The following CORIN variants were observed in gnomAD, a reference collection of about 807,000 sequenced individuals.
CORIN encodes corin, serine peptidase.
CORIN carries 117 observed loss-of-function variants against 125.3 expected under a neutral mutation model. The observed-to-expected ratio is 0.93, with a 90% CI of 0.80 to 1.09. The LOEUF is 1.09. Among genes scored for constraint, CORIN ranks in the 50% least tolerant of loss-of-function variants. The pLI is 0.00. For missense variants in CORIN, 1,253 were observed against 1,306.7 expected (o/e 0.96, Z 0.63); for synonymous variants, 450 against 466.4 (o/e 0.96, Z 0.45).
intron 5 of CORIN, among the ~76,000 whole-genome samples, chr4:47,693,508 A>G (rs1725861022): frequency 6.6e-6 from 1 of 152,224 alleles, no homozygotes; most frequent in South Asian, 2.1e-4. Flanking sequence ...TACTCTATGT[A>G]CCACAGAGAA....
chr4:47,680,640 T>C (rs1725235983), intron 7 of CORIN: 1 of 193,458 alleles, frequency 5.2e-6, no homozygotes, highest in African/African-American at 2.4e-5. Context: ...GCGGATTTGA[T>C]GTATCTGTAA....
At chr4:47,680,881 G>C (rs1725246863) in intron 7 of CORIN, 1 of 152,220 alleles carries the variant, frequency 6.6e-6, no homozygotes, top group Non-Finnish European at 1.5e-5. Flanking sequence ...CCTCCAAGTA[G>C]TTGGGACTAC....
At chr4:47,753,154 C>G (rs1241092212) in intron 4 of CORIN, among the ~76,000 whole-genome samples, 1 of 152,052 alleles carries the variant, frequency 6.6e-6, no homozygotes, top group Non-Finnish European at 1.5e-5. Context: ...TCCGTGATGT[C>G]CCCTTGAGCC....
intron 19 of CORIN, among the ~76,000 whole-genome samples, chr4:47,613,447 C>T (rs79211634): frequency 0.1 from 15,286 of 151,708 alleles, 1,272 homozygotes; most frequent in East Asian, 0.47. Flanking sequence ...AGCGAGACTC[C>T]GTCTCAAAAA....
chr4:47,717,864 GA>G (rs1462214769), intron 5 of CORIN, among the ~76,000 whole-genome samples: 1 of 152,184 alleles, frequency 6.6e-6, no homozygotes, highest in Non-Finnish European at 1.5e-5. Context: ...GACCATGACA[GA>G]AGCAGAAGAT....
chr4:47,708,214 G>A (rs969884235), intron 5 of CORIN, among the ~76,000 whole-genome samples: 2 of 152,174 alleles, frequency 1.3e-5, no homozygotes, highest in South Asian at 2.1e-4. Flanking sequence ...CCACAATGCT[G>A]GAAGTCAAAA....
In CORIN at chr4:47,623,882, A is replaced by T; in HGVS notation, c.2365+17T>A. 6.2e-7 allele frequency: 1 copy of T among 1,612,398 alleles called. No individual in the cohort carries two copies. The highest frequency in any genetic ancestry group is 8.5e-7 in the Non-Finnish European group (1 of 1,178,462). On this transcript the variant is annotated intron_variant, in intron 18 of 21. Coordinates refer to ENST00000273857, the MANE Select transcript of CORIN (RefSeq NM_006587.4). ...AATTAAGTTCATATCCCATTGCCACACCTCTAATTCTCTCACCTTGTTTAG... is the reference window on the plus strand; with the variant it reads ...AATTAAGTTCATATCCCATTGCCACTCCTCTAATTCTCTCACCTTGTTTAG...
chr4:47,694,381 C>T (rs897904589), intron 5 of CORIN, among the ~76,000 whole-genome samples: 19 of 151,904 alleles, frequency 1.3e-4, no homozygotes, highest in African/African-American at 4.6e-4. Context: ...TTTTTATGAG[C>T]TCTAGTTTCA....
chr4:47,695,152 CATAGAAAACCAG>C lies in CORIN; in HGVS notation c.800-2081_800-2070del, dbSNP rs1162516424. On this transcript the variant is annotated intron_variant, in intron 5 of 21. Coordinates refer to ENST00000273857, the MANE Select transcript of CORIN (RefSeq NM_006587.4). ...TACAAATACAGACTCCTAAACGATTCATAGAAAACCAGATCTAAAAATGAAAAACCAAAATAC... is the reference window on the plus strand; with the variant it reads ...TACAAATACAGACTCCTAAACGATTCATCTAAAAATGAAAAACCAAAATAC... Among the ~76,000 whole-genome samples the C allele has an allele frequency of 3.5e-4, 53 of 152,286 alleles. No homozygotes were observed. In the South Asian group the frequency reaches 0.01, roughly 29 times the overall value.
At chr4:47,775,064 G>A (rs558425193) in intron 3 of CORIN, among the ~76,000 whole-genome samples, 14 of 152,284 alleles carry the variant, frequency 9.2e-5, no homozygotes, top group African/African-American at 3.1e-4. Context: ...TAAGAAGTTA[G>A]ATTTCATGTT....
In CORIN at chr4:47,597,718, G is replaced by T. The variant is rs557252239; in HGVS notation, c.2947-1815C>A. Among the ~76,000 whole-genome samples the T allele has an allele frequency of 5.9e-5, 9 of 152,298 alleles. No individual in the cohort carries two copies. In the South Asian group the frequency reaches 1.5e-3, roughly 25 times the overall value. On this transcript the variant is annotated intron_variant, in intron 21 of 21. Coordinates refer to ENST00000273857, the MANE Select transcript of CORIN (RefSeq NM_006587.4). ...TGAAGTGGAACTATTATGTCAGAGG[G>T]TGATTAAAATGGAATGTGTTTAGAA...
intron 12 of CORIN, among the ~76,000 whole-genome samples, chr4:47,657,508 C>A (rs1007294814): frequency 5.0e-5 from 7 of 141,348 alleles, no homozygotes; most frequent in African/African-American, 1.9e-4. Flanking sequence ...GCACTCCAGC[C>A]TGGGCGACAG....
chr4:47,669,214 G>T (rs1328319025), intron 10 of CORIN, among the ~76,000 whole-genome samples: 1 of 151,940 alleles, frequency 6.6e-6, no homozygotes, highest in Non-Finnish European at 1.5e-5. Flanking sequence ...AACAAGATTC[G>T]TTCAATTCAA....
intron 19 of CORIN, among the ~76,000 whole-genome samples, chr4:47,621,985 G>A (rs1722332599): frequency 8.3e-6 from 1 of 121,098 alleles, no homozygotes; most frequent in East Asian, 2.3e-4. Flanking sequence ...ATCTCCCAAT[G>A]CTATCCCTCC....
At chr4:47,757,976 C>A (rs188926702) in intron 4 of CORIN, among the ~76,000 whole-genome samples, 1 of 150,648 alleles carries the variant, frequency 6.6e-6, no homozygotes, top group Non-Finnish European at 1.5e-5. Flanking sequence ...TGCAGTGGCA[C>A]GATCTCAGCT....
chr4:47,772,428 C>A (rs1730090421), intron 3 of CORIN, among the ~76,000 whole-genome samples: 1 of 152,198 alleles, frequency 6.6e-6, no homozygotes, highest in African/African-American at 2.4e-5. Flanking sequence ...GCAGCTGTAG[C>A]AGCATCTGTC....
intron 12 of CORIN, among the ~76,000 whole-genome samples, chr4:47,658,393 C>T (rs1392237493): frequency 1.3e-5 from 2 of 152,252 alleles, no homozygotes; most frequent in Non-Finnish European, 2.9e-5. Context: ...TGAGTGCCAA[C>T]AGCTTTTCCA....
rs1725106314 is a variant in CORIN, at chr4:47,677,996, A to G, written c.1191T>C (p.Phe397=). The change falls in exon 9 of 22, where the codon TTT becomes TTC. Residue 397 remains phenylalanine, a synonymous_variant. Transcript: ENST00000273857. ...CRNGQCIPST[F]QCDGDEDCKD... Reference sequence around the variant, plus strand: ...TGCAGTCCTCGTCACCATCACATTGAAACGTGCTGGGGATACATTGTCCAT... The same window carrying G: ...TGCAGTCCTCGTCACCATCACATTGGAACGTGCTGGGGATACATTGTCCAT... 6.2e-7 allele frequency: 1 copy of G among 1,614,112 alleles called. No individual in the cohort carries two copies. Among genetic ancestry groups the G allele is most frequent in the Non-Finnish European group, 8.5e-7 (1 of 1,179,966 alleles).
chr4:47,701,373 T>C (rs1262670706), intron 5 of CORIN, among the ~76,000 whole-genome samples: 1 of 152,254 alleles, frequency 6.6e-6, no homozygotes. Context: ...AATAAAGCTA[T>C]GCTTTGATTC....
Sources: gnomAD v4.1 joint callset for allele counts (sites outside exome capture counted in the v4.1 genomes callset) on GRCh38, gnomAD v4.1.1 for gene constraint, MANE v1.5 for transcripts, NCBI Gene and HGNC (gene_info 2026-07-23, HGNC 2026-07-21) for gene names.